The following KDM4C variants were observed in gnomAD, a reference collection of about 807,000 sequenced individuals.
KDM4C encodes the protein lysine-specific demethylase 4C.
In KDM4C, 81 loss-of-function variants were observed where a neutral mutation model predicts 129.3. The observed-to-expected ratio is 0.63, with a 90% CI of 0.52 to 0.75. The LOEUF is 0.75. Ranked by LOEUF, KDM4C falls within the 30% of genes least tolerant of loss-of-function variation. The probability of loss-of-function intolerance (pLI) is 0.00; values close to 1 mark genes in which losing one functional copy is unlikely to be tolerated. For synonymous variants in KDM4C, 573 were observed against 456.1 expected (o/e 1.26, Z -3.26); for missense variants, 1,457 against 1,304.0 (o/e 1.12, Z -1.81).
At chr9:6,870,529 G>A (rs932950866) in intron 5 of KDM4C, among the ~76,000 whole-genome samples, 2 of 151,974 alleles carry the variant, frequency 1.3e-5, no homozygotes, top group African/African-American at 2.4e-5. Flanking sequence ...CTTAGCATAA[G>A]CTCTGGTGTG....
At chr9:6,751,372 G>A (rs1373066161) in intron 1 of KDM4C, among the ~76,000 whole-genome samples, 2 of 152,154 alleles carry the variant, frequency 1.3e-5, no homozygotes, top group East Asian at 3.8e-4. Flanking sequence ...CTTGAGCCTG[G>A]GAGGTGGAGG....
At chr9:7,131,815 A>G (rs1840675053) in intron 19 of KDM4C, among the ~76,000 whole-genome samples, 1 of 152,210 alleles carries the variant, frequency 6.6e-6, no homozygotes, top group Non-Finnish European at 1.5e-5. Flanking sequence ...TCGTGGCAGA[A>G]TAATTATATG....
At chr9:6,879,753 C>T (rs1196304097) in intron 5 of KDM4C, among the ~76,000 whole-genome samples, 2 of 152,012 alleles carry the variant, frequency 1.3e-5, no homozygotes, top group Admixed American at 1.3e-4. Context: ...CTGCCTTGGG[C>T]CTTTGTTCCC....
intron 4 of KDM4C, chr9:6,834,589 G>T: frequency 1.4e-6 from 1 of 736,312 alleles, no homozygotes; most frequent in South Asian, 1.5e-5. Flanking sequence ...GCATGATGGT[G>T]GGCATGGGTC....
intron 2 of KDM4C, among the ~76,000 whole-genome samples, chr9:6,800,862 T>C (rs1828813740): frequency 6.6e-6 from 1 of 152,190 alleles, no homozygotes. Context: ...TCCTGAGCTC[T>C]AGTTATCCTC....
chr9:7,055,421 G>A lies in KDM4C; in HGVS notation c.2424+6221G>A, dbSNP rs552084904. ...ACAAGTGAACAAAGCCCAGGCACAA[G>A]TGTTCTCTGAGTGAAGAACATTATT... On this transcript the variant is annotated intron_variant, in intron 17 of 21. Coordinates refer to ENST00000381309, the MANE Select transcript of KDM4C (RefSeq NM_015061.6). Among the ~76,000 whole-genome samples, 10 of 152,324 alleles carry A rather than the reference G, an allele frequency of 6.6e-5. No homozygotes were observed. The East Asian group carries it at 1.9e-3, about 29-fold the overall frequency.
chr9:6,883,072 G>C (rs1489534680), intron 6 of KDM4C, among the ~76,000 whole-genome samples: 1 of 152,172 alleles, frequency 6.6e-6, no homozygotes, highest in Non-Finnish European at 1.5e-5. Flanking sequence ...AGCCACTGCT[G>C]TCAAGAGAAT....
intron 1 of KDM4C, among the ~76,000 whole-genome samples, chr9:6,792,265 C>T (rs930908531): frequency 6.6e-6 from 1 of 151,596 alleles, no homozygotes; most frequent in Non-Finnish European, 1.5e-5. Flanking sequence ...ATCGCTTGAA[C>T]CTGGGAGGTG....
At chr9:6,790,974 A>G (rs1309331569) in intron 1 of KDM4C, among the ~76,000 whole-genome samples, 2 of 152,160 alleles carry the variant, frequency 1.3e-5, no homozygotes, top group East Asian at 1.9e-4. Context: ...CAGACACATT[A>G]TTAAACTCCT....
chr9:6,892,390 T>C (rs1846221916), intron 7 of KDM4C, among the ~76,000 whole-genome samples: 1 of 152,134 alleles, frequency 6.6e-6, no homozygotes, highest in Non-Finnish European at 1.5e-5. Flanking sequence ...TTGTGTTGCT[T>C]TGGTGATTGT....
chr9:7,170,262 T>G (rs1844828872), intron 21 of KDM4C: 1 of 1,114,286 alleles, frequency 9.0e-7, no homozygotes, highest in African/African-American at 1.6e-5. Context: ...CAGGAGTAGA[T>G]CAAAGGGGAC....
At chr9:6,865,156 C>G (rs556265328) in intron 5 of KDM4C, among the ~76,000 whole-genome samples, 1 of 151,748 alleles carries the variant, frequency 6.6e-6, no homozygotes, top group Non-Finnish European at 1.5e-5. Context: ...CTGCAGGTGC[C>G]CGCCACCACA....
At chr9:7,006,436 A>G (rs1423390146) in intron 12 of KDM4C, among the ~76,000 whole-genome samples, 1 of 152,152 alleles carries the variant, frequency 6.6e-6, no homozygotes, top group African/African-American at 2.4e-5. Context: ...ACAGAAATCT[A>G]GCTATCCCTT....
intron 8 of KDM4C, among the ~76,000 whole-genome samples, chr9:6,914,875 T>A (rs1820021004): frequency 6.6e-6 from 1 of 152,262 alleles, no homozygotes; most frequent in Non-Finnish European, 1.5e-5. Flanking sequence ...CTTGCCAGCC[T>A]CTAAAACTGT....
chr9:6,911,564 A>T (rs953274887), intron 8 of KDM4C, among the ~76,000 whole-genome samples: 8 of 152,186 alleles, frequency 5.3e-5, no homozygotes, highest in Non-Finnish European at 8.8e-5. Flanking sequence ...TTCATGATAC[A>T]TTTCACTTCC....
At chr9:6,811,247 G>C (rs1310765596) in intron 3 of KDM4C, among the ~76,000 whole-genome samples, 1 of 152,076 alleles carries the variant, frequency 6.6e-6, no homozygotes, top group East Asian at 1.9e-4. Context: ...TCCGCCTGCT[G>C]GGTTCAAGTG....
chr9:6,997,355 C>T (rs755086327), intron 12 of KDM4C, among the ~76,000 whole-genome samples: 1 of 152,156 alleles, frequency 6.6e-6, no homozygotes, highest in African/African-American at 2.4e-5. Context: ...TACTTAAGTG[C>T]ACACTTGAGA....
At position 6,986,465 on chromosome 9, in the gene KDM4C, T is replaced by A; in HGVS notation, c.1476T>A (p.Ser492Arg). 1 of 1,614,168 alleles carries A rather than the reference T, an allele frequency of 6.2e-7. No homozygotes were observed. Among genetic ancestry groups the A allele is most frequent in the Non-Finnish European group, 8.5e-7 (1 of 1,180,010 alleles). ...CTGATGATTCCATTCCATTGTCTAG[T>A]GGCTATGAGAAGCCCGAGAAATCAG... is the stretch of plus-strand genomic sequence containing the variant. Reference protein sequence around the residue: ...SEADDSIPLSSGYEKPEKSDP... With the variant: ...SEADDSIPLSRGYEKPEKSDP... The change falls in exon 11 of 22, where the codon AGT (serine) becomes AGA (arginine). Residue 492 changes from serine to arginine, a missense_variant. By Grantham distance (110) the Ser-to-Arg change is moderately radical. Transcript: ENST00000381309.
At chr9:6,789,400 TAGTAG>T (rs1826106007) in intron 1 of KDM4C, among the ~76,000 whole-genome samples, 1 of 152,040 alleles carries the variant, frequency 6.6e-6, no homozygotes, top group Non-Finnish European at 1.5e-5. Flanking sequence ...TTTGTATTTT[TAGTAG>T]AGACGGGGTT....
Sources: gnomAD v4.1 joint callset for allele counts (sites outside exome capture counted in the v4.1 genomes callset) on GRCh38, gnomAD v4.1.1 for gene constraint, MANE v1.5 for transcripts, NCBI Gene and HGNC (gene_info 2026-07-23, HGNC 2026-07-21) for gene names.